WAPL: variants seen among roughly 807,000 people sequenced by gnomAD.
WAPL encodes WAPL cohesin release factor.
A neutral mutation model predicts 121.0 loss-of-function variants in WAPL; 5 were observed. The ratio of observed to expected loss-of-function variants is 0.04; its 90% CI spans 0.02 to 0.09. The LOEUF (loss-of-function observed/expected upper bound fraction) is 0.09, where lower values mean the gene tolerates loss of function less well. Among genes scored for constraint, WAPL ranks in the 10% least tolerant of loss-of-function variants. The probability of loss-of-function intolerance (pLI) is 1.00; values close to 1 mark genes in which losing one functional copy is unlikely to be tolerated. For missense variants in WAPL, 999 were observed against 1,410.8 expected (o/e 0.71, Z 4.68); for synonymous variants, 480 against 481.5 (o/e 1.00, Z 0.04).
chr10:86,486,941 A>G (rs1337599092), intron 4 of WAPL, among the ~76,000 whole-genome samples: 2 of 152,014 alleles, frequency 1.3e-5, no homozygotes, highest in East Asian at 3.9e-4. Flanking sequence ...GAGCAACTGG[A>G]GTGAAACCCT....
intron 1 of WAPL, among the ~76,000 whole-genome samples, chr10:86,519,115 TTTATC>T (rs1842619173): frequency 6.8e-6 from 1 of 146,414 alleles, no homozygotes; most frequent in African/African-American, 2.5e-5. Context: ...ATTCACCTGA[TTTATC>T]TACTTCACAG....
chr10:86,492,612 A>G lies in WAPL; in HGVS notation c.1644+4589T>C, dbSNP rs953375672. Among the ~76,000 whole-genome samples the G allele has an allele frequency of 3.3e-5, 5 of 152,106 alleles. No homozygotes were observed. In the South Asian group the frequency reaches 8.3e-4, roughly 25 times the overall value. On this transcript the variant is annotated intron_variant, in intron 4 of 18. Transcript: ENST00000298767. ...AGCCTCCCCACCGCCCCCCACCAAA[A>G]AGTCTAACCTGAATTTAATCAAACT...
intron 2 of WAPL, 127 bp from the exon 3 acceptor site, chr10:86,500,870 G>A: frequency 1.2e-6 from 1 of 827,268 alleles, no homozygotes; most frequent in Non-Finnish European, 1.8e-6. Flanking sequence ...TTTAAGTTGT[G>A]AAGAAATTAA....
At chr10:86,459,180 G>T in intron 11 of WAPL, 115 bp from the exon 12 acceptor site, 1 of 731,826 alleles carries the variant, frequency 1.4e-6, no homozygotes, top group East Asian at 2.7e-5. Context: ...AACAGCCCTT[G>T]TTACCAAAGG....
intron 4 of WAPL, among the ~76,000 whole-genome samples, chr10:86,474,308 G>A (rs1016098687): frequency 3.3e-5 from 5 of 152,080 alleles, no homozygotes; most frequent in Non-Finnish European, 5.9e-5. Flanking sequence ...GAGGTCAGGA[G>A]TTTGAGACGA....
chr10:86,500,713 T>A lies in WAPL; in HGVS notation c.530A>T (p.Glu177Val), dbSNP rs773888873. 3 of 1,569,994 alleles carry A rather than the reference T, an allele frequency of 1.9e-6. No homozygotes were observed. In the African/African-American group the frequency reaches 4.1e-5, roughly 22 times the overall value. Residue 177 changes from glutamate (E) to valine (V), a missense_variant, in exon 3 of 19, where the codon GAA becomes GTA. Glu to Val is a moderately radical substitution (Grantham distance 121). Transcript: ENST00000298767. ...DKVENFHEEH[E>V]KNSHHIHKNA... is the part of the protein sequence containing the mutation. ...TTTGTGAATATGGTGACTATTCTTT[T>A]CATGTTCTTCATGAAAATTCTCCAC...
At chr10:86,462,307 GA>G (rs1841296943) in intron 9 of WAPL, among the ~76,000 whole-genome samples, 1 of 152,066 alleles carries the variant, frequency 6.6e-6, no homozygotes, top group South Asian at 2.1e-4. Flanking sequence ...AGGTCTATTT[GA>G]AAAATGCACA....
chr10:86,509,716 T>G (rs1842418793), intron 2 of WAPL, among the ~76,000 whole-genome samples: 1 of 151,436 alleles, frequency 6.6e-6, no homozygotes, highest in Non-Finnish European at 1.5e-5. Context: ...AAGGCACAAG[T>G]GCTGGAAAAG....
At chr10:86,465,215 C>T (rs1841370463) in intron 9 of WAPL, among the ~76,000 whole-genome samples, 1 of 151,998 alleles carries the variant, frequency 6.6e-6, no homozygotes, top group Non-Finnish European at 1.5e-5. Flanking sequence ...TTTTTGGAGA[C>T]GTAGTCTTGC....
chr10:86,503,736 G>A (rs1021612808), intron 2 of WAPL, among the ~76,000 whole-genome samples: 22 of 132,896 alleles, frequency 1.7e-4, no homozygotes, highest in African/African-American at 5.3e-4. Flanking sequence ...CTGGGTGACA[G>A]AGCAAGACTC....
intron 2 of WAPL, among the ~76,000 whole-genome samples, chr10:86,509,800 A>G (rs1842421921): frequency 6.9e-6 from 1 of 145,284 alleles, no homozygotes; most frequent in Non-Finnish European, 1.5e-5. Context: ...AGTCTCGCTC[A>G]GTCACCCAGG....
Position 86,435,796 on chromosome 10 carries a change from A to G in WAPL, c.*1747T>C, listed in dbSNP as rs1849306124. On this transcript the variant is annotated 3_prime_UTR_variant, in exon 19 of 19. Coordinates refer to ENST00000298767, the MANE Select transcript of WAPL (RefSeq NM_015045.5). ...TATTCCTTACCATCTGCCACAAGTC[A>G]GGTTCACCAAAAATCTGTCCCTTTC... The G allele has an allele frequency of 6.6e-6, 1 of 152,330 alleles. No homozygotes were observed. The highest frequency in any genetic ancestry group is 6.5e-5 in the Admixed American group (1 of 15,276). The allele number at this position is 152,330 out of a possible 1,614,324, so 9.4% of individuals were successfully genotyped here. A position where few individuals can be genotyped will look rare whatever the true frequency, so the allele number is the denominator to read the frequency against.
intron 9 of WAPL, among the ~76,000 whole-genome samples, chr10:86,462,914 GAAGA>G (rs1402811549): frequency 6.6e-6 from 1 of 152,120 alleles, no homozygotes; most frequent in East Asian, 1.9e-4. Context: ...TCTTTGTTTA[GAAGA>G]AAGGTGATGG....
intron 17 of WAPL, among the ~76,000 whole-genome samples, chr10:86,441,597 G>A (rs868454791): frequency 2.6e-5 from 4 of 151,862 alleles, no homozygotes; most frequent in South Asian, 2.1e-4. Flanking sequence ...AACTATAGAG[G>A]AAGAGGCCCT....
intron 4 of WAPL, among the ~76,000 whole-genome samples, chr10:86,485,021 G>A (rs1315240682): frequency 1.3e-5 from 2 of 151,878 alleles, no homozygotes; most frequent in Non-Finnish European, 1.5e-5. Context: ...ACGCATGTGC[G>A]TGTGCTCACT....
At chr10:86,508,845 C>A (rs1842401715) in intron 2 of WAPL, among the ~76,000 whole-genome samples, 1 of 150,382 alleles carries the variant, frequency 6.6e-6, no homozygotes, top group South Asian at 2.1e-4. Flanking sequence ...AGCTCCGCCT[C>A]CAGAGTTCAC....
Position 86,446,271 on chromosome 10 carries a change from T to A in WAPL, c.3293A>T (p.Glu1098Val). The A allele has an allele frequency of 6.2e-7, 1 of 1,614,166 alleles. No homozygotes were observed. Among genetic ancestry groups the A allele is most frequent in the Non-Finnish European group, 8.5e-7 (1 of 1,180,020 alleles). ...DGTEEKHKKE[E>V]EDEELDLNKA... Reference sequence around the variant, plus strand: ...ATTGAGGTCAAGTTCTTCATCCTCCTCCTCCTTCTTATGTTTCTCTTCTGT... The same window carrying A: ...ATTGAGGTCAAGTTCTTCATCCTCCACCTCCTTCTTATGTTTCTCTTCTGT... The change falls in exon 16 of 19, where the codon GAG (glutamate) becomes GTG (valine). Residue 1098 changes from glutamate (E) to valine (V), a missense_variant. Physicochemically the swap from Glu to Val is moderately radical, Grantham distance 121. This residue lies in a region of WAPL where 126 missense variants were observed against 144.0 expected (regional missense o/e 0.87). Coordinates refer to ENST00000298767, the MANE Select transcript of WAPL (RefSeq NM_015045.5).
At chr10:86,468,405 C>T (rs1032545631) in intron 8 of WAPL, among the ~76,000 whole-genome samples, 2 of 151,684 alleles carry the variant, frequency 1.3e-5, no homozygotes, top group African/African-American at 4.8e-5. Context: ...ACCATGTTGC[C>T]GAGGCTGGTC....
chr10:86,492,429 T>C (rs970367649), intron 4 of WAPL, among the ~76,000 whole-genome samples: 4 of 152,146 alleles, frequency 2.6e-5, no homozygotes, highest in African/African-American at 9.7e-5. Flanking sequence ...CACTCTGAAG[T>C]TTCCTAACTA....
Sources: allele counts gnomAD v4.1 joint callset (sites outside exome capture counted in the v4.1 genomes callset), GRCh38; gene constraint gnomAD v4.1.1; regional missense constraint gnomAD v4.1.1; transcripts MANE v1.5; gene names NCBI Gene and HGNC (gene_info 2026-07-23, HGNC 2026-07-21).